Variants in RIPOR1 observed in about 807,000 individuals in gnomAD.
The protein encoded by RIPOR1 is rho family-interacting cell polarization regulator 1.
A neutral mutation model predicts 116.5 loss-of-function variants in RIPOR1; 58 were observed. The observed-to-expected ratio is 0.50, with a 90% CI of 0.40 to 0.62. The LOEUF is 0.62. RIPOR1 is among the 20% of genes least tolerant of loss of function. RIPOR1 has a pLI of 0.00. For synonymous variants in RIPOR1, 605 were observed against 650.0 expected, an observed-to-expected ratio of 0.93 and a Z score of 1.05; for missense variants, 1,372 against 1,586.2, an observed-to-expected ratio of 0.86 and a Z score of 2.29.
chr16:67,534,945 C>T (rs963398880), intron 1 of RIPOR1, among the ~76,000 whole-genome samples: 3 of 148,062 alleles, frequency 2.0e-5, no homozygotes, highest in Non-Finnish European at 3.0e-5. Flanking sequence ...CAGGTTCAAG[C>T]GATCCTCCTG....
Position 67,546,531 on chromosome 16 carries a change from G to T in RIPOR1, c.*68G>T. ...TCAGGGCTCACCAGGCACTGGCAGG[G>T]AGGGTAAGGGCTGGCTCCAGATACC... On this transcript the variant is annotated 3_prime_UTR_variant, in exon 22 of 22. Transcript: ENST00000042381. The T allele has an allele frequency of 7.5e-7, 1 of 1,329,008 alleles. No individual in the cohort carries two copies. The highest frequency in any genetic ancestry group is 2.3e-5 in the East Asian group (1 of 42,888). 82.3% of individuals were successfully genotyped at this position (1,329,008 alleles called of 1,614,324 possible).
At position 67,538,809 on chromosome 16, in the gene RIPOR1, T is replaced by A. The variant is rs1375683720; in HGVS notation, c.242T>A (p.Leu81Gln). The A allele has an allele frequency of 2.5e-5, 40 of 1,613,088 alleles. No individual in the cohort carries two copies. Among genetic ancestry groups the A allele is most frequent in the Non-Finnish European group, 3.1e-5 (37 of 1,179,976 alleles). Residue 81 changes from leucine to glutamine, a missense_variant, in exon 3 of 22, where the codon CTG becomes CAG. This residue lies in a region of RIPOR1 where 165 missense variants were observed against 145.5 expected (regional missense o/e 1.13). Coordinates refer to ENST00000042381, the MANE Select transcript of RIPOR1 (RefSeq NM_024519.4). ...CGGCTGGACCTGGTGTACACGGCGC[T>A]GAAGCGGGGCCTGACGTGAGCAGCT... ...PERLDLVYTA[L>Q]KRGLTAYLEV...
chr16:67,523,600 T>C (rs1281408773), intron 1 of RIPOR1, among the ~76,000 whole-genome samples: 2 of 151,632 alleles, frequency 1.3e-5, no homozygotes, highest in African/African-American at 4.8e-5. Context: ...AACAGCTATT[T>C]CTTTGGGGTA....
chr16:67,539,534 G>T, intron 4 of RIPOR1, 194 bp from the exon 5 acceptor site: 1 of 705,936 alleles, frequency 1.4e-6, no homozygotes, highest in South Asian at 1.7e-5. Flanking sequence ...TCCTGGAGGG[G>T]GCTGAAGGGA....
At chr16:67,519,995 G>A (rs1350059407) in intron 1 of RIPOR1, among the ~76,000 whole-genome samples, 1 of 147,172 alleles carries the variant, frequency 6.8e-6, no homozygotes, top group Non-Finnish European at 1.5e-5. Context: ...CTGGGAGGCA[G>A]AGGTTGCAGT....
chr16:67,542,930 C>T lies in RIPOR1; in HGVS notation c.2144C>T (p.Thr715Ile). The T allele has an allele frequency of 6.2e-7, 1 of 1,600,098 alleles. No homozygotes were observed. Among genetic ancestry groups the T allele is most frequent in the Non-Finnish European group, 8.5e-7 (1 of 1,171,772 alleles). The change falls in exon 13 of 22, where the codon ACT becomes ATT. Residue 715 changes from threonine to isoleucine, a missense_variant. Thr to Ile is a moderately conservative substitution (Grantham distance 89). Transcript: ENST00000042381. The surrounding 1 kb of genome is among the most constrained non-coding windows in gnomAD (Gnocchi z 4.6). The part of the protein sequence containing the change: ...PCSPPVSNSY[T>I]QADPMAPRTP... ...AGTCCCCCAGTCTCCAATTCCTACA[C>T]TCAGGCAGACCCTATGGCCCCCAGA... is the stretch of plus-strand genomic sequence containing the variant.
Position 67,542,571 on chromosome 16 carries a change from C to T in RIPOR1, c.1785C>T (p.Val595=). The T allele has an allele frequency of 6.2e-7, 1 of 1,613,962 alleles. No individual in the cohort carries two copies. Among genetic ancestry groups the T allele is most frequent in the Non-Finnish European group, 8.5e-7 (1 of 1,179,966 alleles). Residue 595 remains valine (V), a synonymous_variant, in exon 13 of 22, where the codon GTC becomes GTT. Transcript: ENST00000042381. The surrounding 1 kb of genome is among the most constrained non-coding windows in gnomAD (Gnocchi z 4.6). ...TGPTLNIIGP[V]QTTTSPTHTM... Reference sequence around the variant, plus strand: ...CTACCCTCAATATCATAGGCCCAGTCCAGACTACCACAAGCCCCACCCACA... The same window carrying T: ...CTACCCTCAATATCATAGGCCCAGTTCAGACTACCACAAGCCCCACCCACA...
intron 1 of RIPOR1, among the ~76,000 whole-genome samples, chr16:67,520,494 T>C (rs1006176642): frequency 1.4e-5 from 2 of 145,814 alleles, no homozygotes; most frequent in Non-Finnish European, 3.0e-5. Context: ...AGTTGTACCC[T>C]GGAGAGAAGT....
rs1467457878 is a variant in RIPOR1, at chr16:67,537,241, C to G, written c.-23-1183C>G. 6.6e-6 allele frequency among the ~76,000 whole-genome samples: 1 copy of G among 152,202 alleles called. No individual in the cohort carries two copies. The highest frequency in any genetic ancestry group is 1.5e-5 in the Non-Finnish European group (1 of 68,032). ...ATAGCGACTCTTTAAGCCCCCTACT[C>G]TAATGTCTGATACTTCCTCCACTTA... On this transcript the variant is annotated intron_variant, in intron 1 of 21. Coordinates refer to ENST00000042381, the MANE Select transcript of RIPOR1 (RefSeq NM_024519.4). The surrounding 1 kb of genome is among the most constrained non-coding windows in gnomAD (Gnocchi z 4.6).
chr16:67,535,748 G>A (rs993602018), intron 1 of RIPOR1, among the ~76,000 whole-genome samples: 14 of 152,166 alleles, frequency 9.2e-5, no homozygotes, highest in African/African-American at 3.1e-4. Context: ...GTGTGGTTGT[G>A]GTTTAGGAGG....
Position 67,543,676 on chromosome 16 carries a change from C to A in RIPOR1, c.2600+207C>A. 1.5e-6 allele frequency: 1 copy of A among 660,706 alleles called. No individual in the cohort carries two copies. 40.9% of individuals were successfully genotyped at this position (660,706 alleles called of 1,614,324 possible). A position where few individuals can be genotyped will look rare whatever the true frequency, so the allele number is the denominator to read the frequency against. The stretch of plus-strand genomic sequence containing the variant: ...GTCCTTCATGCCCATGTCTCCAACC[C>A]TACGTGTGTCCCCAGTGCTTCTGAC... On this transcript the variant is annotated intron_variant, in intron 14 of 21. Coordinates refer to ENST00000042381, the MANE Select transcript of RIPOR1 (RefSeq NM_024519.4). The surrounding 1 kb of genome is among the most constrained non-coding windows in gnomAD (Gnocchi z 4.7).
At chr16:67,526,544 A>G (rs2050541464), upstream of RIPOR1, among the ~76,000 whole-genome samples, 1 of 152,220 alleles carries the variant, frequency 6.6e-6, no homozygotes, top group South Asian at 2.1e-4. Flanking sequence ...GGGGGATGCC[A>G]AGGGCTCATG....
rs371520542 is a variant in RIPOR1 at position 67,541,830 on chromosome 16, T to C, written c.1081-37T>C. ...GCCTCACCATCCCCCAGAGGCTCCC[T>C]GGGGGTGGTTCTGAAATGCCCTCTC... is the stretch of plus-strand genomic sequence containing the variant. On this transcript the variant is annotated intron_variant, in intron 12 of 21. Transcript: ENST00000042381. This position sits in a 1 kb window ranked among gnomAD's most constrained non-coding sequence, Gnocchi z 4.6. The C allele has an allele frequency of 6.8e-5, 110 of 1,613,280 alleles. No homozygotes were observed. In the African/African-American group the frequency reaches 1.4e-3, roughly 21 times the overall value.
intron 4 of RIPOR1, chr16:67,539,323 G>A: frequency 1.9e-6 from 1 of 533,798 alleles, no homozygotes; most frequent in South Asian, 2.2e-5. Flanking sequence ...GACAGCAGGA[G>A]ATTCTGCTGC....
chr16:67,545,351 A>G lies in RIPOR1; in HGVS notation c.3032-25A>G. On this transcript the variant is annotated intron_variant, in intron 17 of 21. Coordinates refer to ENST00000042381, the MANE Select transcript of RIPOR1 (RefSeq NM_024519.4). This position sits in a 1 kb window ranked among gnomAD's most constrained non-coding sequence, Gnocchi z 4.8. The stretch of plus-strand genomic sequence containing the variant: ...AAAAGCTGTGTTCACCCAAACTCTG[A>G]GGCCCATGCTACTGCCTCCTGCAGT... 6.2e-7 allele frequency: 1 copy of G among 1,605,996 alleles called. No individual in the cohort carries two copies. Among genetic ancestry groups the G allele is most frequent in the Non-Finnish European group, 8.5e-7 (1 of 1,175,174 alleles).
rs1339905832 is a variant in RIPOR1 at position 67,538,208 on chromosome 16, G to A, written c.-23-216G>A. ...GAGCCCGCACCTCGGCAGGAAGTGG[G>A]GGCCGAGCCGAGGCCACGCTGAGTC... On this transcript the variant is annotated intron_variant, in intron 1 of 21. Transcript: ENST00000042381. 7.5e-5 allele frequency: 34 copies of A among 452,888 alleles called. No homozygotes were observed. In the East Asian group the frequency reaches 1.1e-3, roughly 15 times the overall value. The allele number at this position is 452,888 out of a possible 1,614,324, so 28.1% of individuals were successfully genotyped here.
At chr16:67,525,005 C>T (rs929421433), upstream of RIPOR1, among the ~76,000 whole-genome samples, 10 of 152,234 alleles carry the variant, frequency 6.6e-5, no homozygotes, top group African/African-American at 1.9e-4. Context: ...CCCAAGGCCC[C>T]GCACGCAATT....
rs751513185 is a variant in RIPOR1, at chr16:67,545,826, G to A, written c.3353G>A (p.Arg1118Gln). ...KVMAAVSTQL[R>Q]SLSLGPTFRE... Reference sequence around the variant, plus strand: ...ATGGCTGCTGTCAGCACCCAGCTCCGGAGCCTGTCACTGGGCCCTACCTTC... The same window carrying A: ...ATGGCTGCTGTCAGCACCCAGCTCCAGAGCCTGTCACTGGGCCCTACCTTC... Residue 1118 changes from arginine (R) to glutamine (Q), a missense_variant, in exon 19 of 22, where the codon CGG becomes CAG. By Grantham distance (43) the Arg-to-Gln change is conservative. Around this residue, in one of 3 missense-constraint regions of RIPOR1, gnomAD observed 1,005 missense variants for 1,144.7 expected, o/e 0.88. Transcript: ENST00000042381. The surrounding 1 kb of genome is among the most constrained non-coding windows in gnomAD (Gnocchi z 4.8). 3.0e-5 allele frequency: 48 copies of A among 1,608,712 alleles called. No individual in the cohort carries two copies. Among genetic ancestry groups the A allele is most frequent in the African/African-American group, 6.7e-5 (5 of 74,850 alleles).
chr16:67,542,271 T>A lies in RIPOR1; in HGVS notation c.1485T>A (p.Pro495=). The A allele has an allele frequency of 6.2e-7, 1 of 1,613,836 alleles. No individual in the cohort carries two copies. The highest frequency in any genetic ancestry group is 1.1e-5 in the South Asian group (1 of 91,066). ...ATGGAGAGCACCCCAGTCCTGTTCC[T>A]CCTGCCCTGGACCCTGGCCACTCTG... ...PTHGEHPSPV[P]PALDPGHSAT... The change falls in exon 13 of 22, where the codon CCT becomes CCA. Residue 495 remains proline (P), a synonymous_variant. Coordinates refer to ENST00000042381, the MANE Select transcript of RIPOR1 (RefSeq NM_024519.4). This position sits in a 1 kb window ranked among gnomAD's most constrained non-coding sequence, Gnocchi z 4.6.
Sources: allele counts gnomAD v4.1 joint callset (sites outside exome capture counted in the v4.1 genomes callset), GRCh38; gene constraint gnomAD v4.1.1; regional missense constraint gnomAD v4.1.1; non-coding constraint Gnocchi (gnomAD v3.1); transcripts MANE v1.5; gene names NCBI Gene and HGNC (gene_info 2026-07-23, HGNC 2026-07-21).